TMEM131: variants seen among roughly 807,000 people sequenced by gnomAD.
TMEM131 encodes 2610524E03Rik.
TMEM131 carries 66 observed loss-of-function variants against 211.6 expected under a neutral mutation model. The observed-to-expected ratio is 0.31, with a 90% CI of 0.26 to 0.38. TMEM131 has a LOEUF of 0.38. TMEM131 is among the 10% of genes least tolerant of loss of function. TMEM131 has a pLI of 1.00. For missense variants in TMEM131, 2,036 were observed against 2,299.3 expected, an observed-to-expected ratio of 0.89 and a Z score of 2.34; for synonymous variants, 844 against 841.3, an observed-to-expected ratio of 1.00 and a Z score of -0.06.
At position 97,802,659 on chromosome 2, in the gene TMEM131, C is replaced by G; in HGVS notation, c.2534G>C (p.Cys845Ser). The G allele has an allele frequency of 6.2e-7, 1 of 1,612,160 alleles. No homozygotes were observed. Among genetic ancestry groups the G allele is most frequent in the South Asian group, 1.1e-5 (1 of 90,788 alleles). The change falls in exon 23 of 41, where the codon TGC (cysteine) becomes TCC (serine). Residue 845 changes from cysteine (C) to serine (S), a missense_variant. Physicochemically the swap from Cys to Ser is moderately radical, Grantham distance 112 (BLOSUM62 -1). Around this residue, in one of 3 missense-constraint regions of TMEM131, gnomAD observed 1,623 missense variants for 1,805.9 expected, o/e 0.90. Coordinates refer to ENST00000186436, the MANE Select transcript of TMEM131 (RefSeq NM_015348.2). ...HLKFPLTNTN[C>S]SSEEEITLEN... Reference sequence around the variant, plus strand: ...GTCACTTTGAATACTTACTGAGGAGCAGTTTGTATTAGTAAGTGGAAATTT... The same window carrying G: ...GTCACTTTGAATACTTACTGAGGAGGAGTTTGTATTAGTAAGTGGAAATTT...
At chr2:97,829,332 C>T (rs1682547042) in intron 11 of TMEM131, among the ~76,000 whole-genome samples, 1 of 152,134 alleles carries the variant, frequency 6.6e-6, no homozygotes, top group Admixed American at 6.5e-5. Flanking sequence ...CCCATCAGCG[C>T]TCTGTATCTA....
chr2:97,759,617 G>T lies in TMEM131; in HGVS notation c.5206+35C>A, dbSNP rs1236359546. Reference sequence around the variant, plus strand: ...CTCCTCTCCCTTCCTCTGTCCACAGGCTTATTAGTTACACATCTAGTGTTA... The same window carrying T: ...CTCCTCTCCCTTCCTCTGTCCACAGTCTTATTAGTTACACATCTAGTGTTA... On this transcript the variant is annotated intron_variant, in intron 39 of 40. Coordinates refer to ENST00000186436, the MANE Select transcript of TMEM131 (RefSeq NM_015348.2). 2.0e-6 allele frequency: 3 copies of T among 1,525,434 alleles called. No homozygotes were observed. In the South Asian group the frequency reaches 3.5e-5, roughly 18 times the overall value. The allele number at this position is 1,525,434 out of a possible 1,614,324, so 94.5% of individuals were successfully genotyped here. A position where few individuals can be genotyped will look rare whatever the true frequency, so the allele number is the denominator to read the frequency against.
chr2:97,954,504 T>C (rs1317483013), intron 1 of TMEM131, among the ~76,000 whole-genome samples: 1 of 152,130 alleles, frequency 6.6e-6, no homozygotes, highest in Non-Finnish European at 1.5e-5. Context: ...GACAGTGAAT[T>C]TGTGAAGAGA....
Position 97,822,445 on chromosome 2 carries a change from C to T in TMEM131, c.1075-3724G>A, listed in dbSNP as rs114429834. ...GAGATCCCTTCCCTTGCTCAGGGTACGGCCCTCCACTTCATTTTTGGGGCA... is the reference window on the plus strand; with the variant it reads ...GAGATCCCTTCCCTTGCTCAGGGTATGGCCCTCCACTTCATTTTTGGGGCA... On this transcript the variant is annotated intron_variant, in intron 11 of 40. Transcript: ENST00000186436. Among the ~76,000 whole-genome samples, 1,324 of 152,304 alleles carry T rather than the reference C, an allele frequency of 8.7e-3. 14 individuals are homozygous for T. Among genetic ancestry groups the T allele is most frequent in the Middle Eastern group, 0.024 (7 of 294 alleles).
chr2:97,840,199 A>T (rs1218932343), intron 7 of TMEM131, among the ~76,000 whole-genome samples: 1 of 152,230 alleles, frequency 6.6e-6, no homozygotes, highest in Non-Finnish European at 1.5e-5. Flanking sequence ...CTGGAAAAAG[A>T]CTAGATGAAT....
chr2:97,929,635 T>C (rs547013335), intron 1 of TMEM131, among the ~76,000 whole-genome samples: 1 of 151,938 alleles, frequency 6.6e-6, no homozygotes, highest in South Asian at 2.1e-4. Flanking sequence ...CACATCCTGA[T>C]TTTATTTTGG....
chr2:97,856,605 G>A (rs1395095092), intron 5 of TMEM131, among the ~76,000 whole-genome samples: 1 of 152,144 alleles, frequency 6.6e-6, no homozygotes, highest in African/African-American at 2.4e-5. Flanking sequence ...GACCTGACCA[G>A]GAATTCCGAG....
At position 97,929,977 on chromosome 2, in the gene TMEM131, G is replaced by T. The variant is rs745886931; in HGVS notation, c.188-2490C>A. Among the ~76,000 whole-genome samples the T allele has an allele frequency of 5.3e-5, 8 of 151,660 alleles. 2 individuals carry two copies. Among genetic ancestry groups the T allele is most frequent in the African/African-American group, 1.9e-4 (8 of 41,028 alleles). Reference sequence around the variant, plus strand: ...AAGTGATAAACTCATTACAATAAAGGACTATGAATATAAAAGGCTCTGCTC... The same window carrying T: ...AAGTGATAAACTCATTACAATAAAGTACTATGAATATAAAAGGCTCTGCTC... On this transcript the variant is annotated intron_variant, in intron 1 of 40. Coordinates refer to ENST00000186436, the MANE Select transcript of TMEM131 (RefSeq NM_015348.2).
intron 3 of TMEM131, among the ~76,000 whole-genome samples, chr2:97,897,620 T>C (rs939480950): frequency 2.6e-5 from 4 of 152,170 alleles, no homozygotes; most frequent in African/African-American, 7.2e-5. Context: ...TGCATTACCC[T>C]GTTATCACGT....
At chr2:97,978,391 G>A (rs981241947) in intron 1 of TMEM131, among the ~76,000 whole-genome samples, 5 of 151,976 alleles carry the variant, frequency 3.3e-5, no homozygotes, top group East Asian at 1.9e-4. Context: ...AAGTTTTATC[G>A]TAACACTGCA....
intron 1 of TMEM131, among the ~76,000 whole-genome samples, chr2:97,959,555 C>T (rs1252756419): frequency 7.2e-6 from 1 of 138,474 alleles, no homozygotes; most frequent in Non-Finnish European, 1.6e-5. Context: ...ATATATATGT[C>T]TGCGTGTGTG....
chr2:97,891,805 G>T (rs2104282461), intron 3 of TMEM131, among the ~76,000 whole-genome samples: 1 of 152,222 alleles, frequency 6.6e-6, no homozygotes, highest in East Asian at 1.9e-4. Context: ...AATGTTTGTG[G>T]AAATGCAGAT....
chr2:97,792,133 TGAAAA>T (rs375088683), intron 31 of TMEM131, among the ~76,000 whole-genome samples: 435 of 152,312 alleles, frequency 2.9e-3, no homozygotes, highest in South Asian at 0.013. Context: ...CTCAGGCAGC[TGAAAA>T]GAAAAGCAGA....
intron 24 of TMEM131, 144 bp from the exon 25 acceptor site, chr2:97,802,105 G>A (rs1681063489): frequency 1.9e-6 from 1 of 525,716 alleles, no homozygotes; most frequent in Non-Finnish European, 3.3e-6. Flanking sequence ...ATAGCCTTAA[G>A]AAAATTAAAG....
intron 31 of TMEM131, among the ~76,000 whole-genome samples, chr2:97,786,703 G>A (rs1229557196): frequency 5.9e-5 from 9 of 152,172 alleles, no homozygotes; most frequent in Admixed American, 2.0e-4. Context: ...GTGCATGTGG[G>A]GGTGACTGAG....
intron 31 of TMEM131, among the ~76,000 whole-genome samples, chr2:97,777,233 C>CA: frequency 6.6e-6 from 1 of 152,346 alleles, no homozygotes; most frequent in Non-Finnish European, 1.5e-5. Context: ...GCAGAAGACA[C>CA]ACAAGCCACA....
chr2:97,848,482 C>A (rs949785579), intron 5 of TMEM131, among the ~76,000 whole-genome samples: 2 of 152,166 alleles, frequency 1.3e-5, no homozygotes, highest in Non-Finnish European at 2.9e-5. Context: ...TGGCTATGCA[C>A]GTATCTCCTG....
intron 11 of TMEM131, among the ~76,000 whole-genome samples, chr2:97,826,029 A>C (rs1682366635): frequency 6.6e-6 from 1 of 152,224 alleles, no homozygotes; most frequent in Non-Finnish European, 1.5e-5. Context: ...GAGGATGGGG[A>C]ACCAATCGAG....
intron 1 of TMEM131, among the ~76,000 whole-genome samples, chr2:97,928,896 G>C (rs1023397489): frequency 1.3e-5 from 2 of 151,732 alleles, no homozygotes; most frequent in African/African-American, 2.4e-5. Context: ...TTCATGTTTA[G>C]TGAAACATAT....
Sources: gnomAD v4.1 joint callset for allele counts (sites outside exome capture counted in the v4.1 genomes callset) on GRCh38, gnomAD v4.1.1 for gene constraint, gnomAD v4.1.1 regional missense constraint, MANE v1.5 for transcripts, NCBI Gene and HGNC (gene_info 2026-07-23, HGNC 2026-07-21) for gene names.